CFAP221: variants seen among roughly 807,000 people sequenced by gnomAD.
The protein encoded by CFAP221 is cilia and flagella associated protein 221.
In CFAP221, 97 loss-of-function variants were observed where a neutral mutation model predicts 113.1. The observed-to-expected ratio is 0.86, with a 90% CI of 0.73 to 1.02. CFAP221 has a LOEUF of 1.02. Among genes scored for constraint, CFAP221 ranks in the 50% least tolerant of loss-of-function variants. The probability of loss-of-function intolerance (pLI) is 0.00; values close to 1 mark genes in which losing one functional copy is unlikely to be tolerated. For synonymous variants in CFAP221, 331 were observed against 354.4 expected (o/e 0.93, Z 0.74); for missense variants, 1,025 against 1,013.4 (o/e 1.01, Z -0.16).
rs142256714 is a variant in CFAP221, at chr2:119,597,490, T to A, written c.632-3728T>A. Among the ~76,000 whole-genome samples the A allele has an allele frequency of 1.3e-3, 192 of 152,338 alleles. 2 individuals are homozygous for A. The highest frequency in any genetic ancestry group is 4.5e-3 in the African/African-American group (185 of 41,562). On this transcript the variant is annotated intron_variant, in intron 7 of 23. Coordinates refer to ENST00000413369, the MANE Select transcript of CFAP221 (RefSeq NM_001271049.2). Reference sequence around the variant, plus strand: ...CAACATTAGCTTTGAGAGATCGAGTTGTTTACCCAAAGTCACCAAGCTAGA... The same window carrying A: ...CAACATTAGCTTTGAGAGATCGAGTAGTTTACCCAAAGTCACCAAGCTAGA...
chr2:119,562,167 A>C (rs1018464296), intron 6 of CFAP221, 53 bp downstream of exon 6: 20 of 1,262,992 alleles, frequency 1.6e-5, no homozygotes, highest in Non-Finnish European at 2.0e-5. Flanking sequence ...ACTAAGAGAT[A>C]CTCATACAAA....
intron 3 of CFAP221, among the ~76,000 whole-genome samples, chr2:119,552,883 A>AT (rs1253404037): frequency 6.6e-6 from 1 of 151,910 alleles, no homozygotes; most frequent in Non-Finnish European, 1.5e-5. Context: ...GAAACAGCAT[A>AT]TTATTTTGTT....
intron 6 of CFAP221, among the ~76,000 whole-genome samples, chr2:119,569,584 A>AT (rs947163827): frequency 2.0e-5 from 3 of 151,022 alleles, no homozygotes; most frequent in African/African-American, 7.3e-5. Flanking sequence ...TATTTCTTCT[A>AT]TTTTTTTTCT....
intron 5 of CFAP221, 123 bp from the exon 6 acceptor site, chr2:119,561,891 T>C: frequency 2.8e-6 from 2 of 723,242 alleles, no homozygotes; most frequent in Non-Finnish European, 2.3e-6. Flanking sequence ...AGTTAAGCGC[T>C]GAAGTTTCTT....
chr2:119,642,246 G>A (rs1487554896), intron 21 of CFAP221, among the ~76,000 whole-genome samples: 4 of 152,174 alleles, frequency 2.6e-5, no homozygotes, highest in East Asian at 1.9e-4. Context: ...GGATTTCCAC[G>A]GGATGTAAGA....
chr2:119,592,628 G>A (rs1683677266), intron 7 of CFAP221, among the ~76,000 whole-genome samples: 1 of 152,080 alleles, frequency 6.6e-6, no homozygotes, highest in South Asian at 2.1e-4. Flanking sequence ...AGTTTTTCTG[G>A]CTGTCTGGAT....
chr2:119,564,315 C>T (rs2104550112), intron 6 of CFAP221, among the ~76,000 whole-genome samples: 1 of 152,298 alleles, frequency 6.6e-6, no homozygotes, highest in East Asian at 1.9e-4. Flanking sequence ...CTGCCCCCTC[C>T]AGAGTGAGAC....
chr2:119,656,595 T>A lies in CFAP221; in HGVS notation c.*125T>A, dbSNP rs1229633704. 3.2e-6 allele frequency: 2 copies of A among 618,398 alleles called. No individual in the cohort carries two copies. The highest frequency in any genetic ancestry group is 1.9e-5 in the African/African-American group (1 of 53,994). The allele number at this position is 618,398 out of a possible 1,614,324, so 38.3% of individuals were successfully genotyped here. ...GGATAAAAAAATGAAATGTAGAGGA[T>A]GTATATATCTTTTAAGTGATAATTA... is the stretch of plus-strand genomic sequence containing the variant. On this transcript the variant is annotated 3_prime_UTR_variant, in exon 24 of 24. Transcript: ENST00000413369.
intron 10 of CFAP221, 54 bp downstream of exon 10, chr2:119,605,041 T>C (rs1684640527): frequency 2.6e-6 from 4 of 1,546,290 alleles, no homozygotes; most frequent in Non-Finnish European, 3.6e-6. Context: ...GAAAGAGTCA[T>C]TGCTGGTCAC....
intron 6 of CFAP221, among the ~76,000 whole-genome samples, chr2:119,566,723 C>T (rs1180025781): frequency 6.6e-6 from 1 of 152,202 alleles, no homozygotes; most frequent in Non-Finnish European, 1.5e-5. Flanking sequence ...ACTGGTCTTT[C>T]CTACCCGCAC....
At chr2:119,650,051 C>G (rs967003097) in intron 22 of CFAP221, among the ~76,000 whole-genome samples, 1 of 152,220 alleles carries the variant, frequency 6.6e-6, no homozygotes, top group Non-Finnish European at 1.5e-5. Context: ...ACTAGGATCA[C>G]TGCCAGCCTG....
intron 7 of CFAP221, among the ~76,000 whole-genome samples, chr2:119,597,061 A>G (rs915698153): frequency 5.3e-5 from 8 of 152,304 alleles, no homozygotes; most frequent in South Asian, 2.1e-4. Context: ...CTTCTTTCTG[A>G]TATTTTAAAG....
chr2:119,642,002 A>G (rs1687522922), intron 21 of CFAP221, among the ~76,000 whole-genome samples: 2 of 152,020 alleles, frequency 1.3e-5, no homozygotes, highest in African/African-American at 4.8e-5. Context: ...TTGGAAAAAA[A>G]TCTCCCGAGG....
At chr2:119,590,697 G>A (rs1051684021) in intron 7 of CFAP221, among the ~76,000 whole-genome samples, 1 of 152,224 alleles carries the variant, frequency 6.6e-6, no homozygotes, top group Non-Finnish European at 1.5e-5. Context: ...GCCCCTGGCT[G>A]AGGTAGTTTA....
At chr2:119,581,100 A>G (rs2104598220) in intron 6 of CFAP221, 1 of 152,356 alleles carries the variant, frequency 6.6e-6, no homozygotes, top group African/African-American at 2.4e-5. Flanking sequence ...GAACCCCAAT[A>G]TGCAATTATA....
intron 7 of CFAP221, among the ~76,000 whole-genome samples, chr2:119,600,669 A>G (rs1338882930): frequency 6.6e-6 from 1 of 152,240 alleles, no homozygotes; most frequent in Non-Finnish European, 1.5e-5. Context: ...AAGAATGTAC[A>G]GTTGACCCTT....
intron 14 of CFAP221, among the ~76,000 whole-genome samples, chr2:119,617,974 C>T (rs1685638825): frequency 6.6e-6 from 1 of 152,224 alleles, no homozygotes; most frequent in African/African-American, 2.4e-5. Flanking sequence ...GTCCTCTCAC[C>T]ATTCAAGCCT....
At chr2:119,619,447 G>A (rs1045515148) in intron 14 of CFAP221, among the ~76,000 whole-genome samples, 1 of 152,126 alleles carries the variant, frequency 6.6e-6, no homozygotes, top group Non-Finnish European at 1.5e-5. Flanking sequence ...AGGCAAATAG[G>A]GTCTGGAGTA....
At chr2:119,553,731 T>G (rs1312416179) in intron 3 of CFAP221, among the ~76,000 whole-genome samples, 1 of 151,834 alleles carries the variant, frequency 6.6e-6, no homozygotes, top group East Asian at 1.9e-4. Flanking sequence ...AGCAAGGGAG[T>G]ATGGTTTAGT....
Sources: allele counts gnomAD v4.1 joint callset (sites outside exome capture counted in the v4.1 genomes callset), GRCh38; gene constraint gnomAD v4.1.1; transcripts MANE v1.5; gene names NCBI Gene and HGNC (gene_info 2026-07-23, HGNC 2026-07-21).